The following ATL2 variants were observed in gnomAD, a reference collection of about 807,000 sequenced individuals.
ATL2 encodes atlastin GTPase 2.
ATL2 carries 31 observed loss-of-function variants against 73.9 expected under a neutral mutation model. That is an observed-to-expected ratio of 0.42 (90% CI 0.32 to 0.57). The LOEUF (loss-of-function observed/expected upper bound fraction) is 0.57, where lower values mean the gene tolerates loss of function less well. Among genes scored for constraint, ATL2 ranks in the 20% least tolerant of loss-of-function variants. The pLI is 0.14. For synonymous variants in ATL2, 291 were observed against 237.5 expected (o/e 1.23, Z -2.07); for missense variants, 738 against 702.6 (o/e 1.05, Z -0.57).
chr2:38,333,168 A>T (rs915548576), intron 2 of ATL2, among the ~76,000 whole-genome samples: 3 of 152,174 alleles, frequency 2.0e-5, no homozygotes, highest in Non-Finnish European at 4.4e-5. Context: ...TTCGAGACCA[A>T]GCTGGGCTAA....
At chr2:38,332,219 T>G (rs983682493) in intron 2 of ATL2, among the ~76,000 whole-genome samples, 4 of 152,188 alleles carry the variant, frequency 2.6e-5, no homozygotes, top group African/African-American at 9.7e-5. Context: ...GAAACTTTGT[T>G]TCTTTTTGAG....
chr2:38,312,852 A>G (rs1667833620), intron 7 of ATL2, among the ~76,000 whole-genome samples: 1 of 152,178 alleles, frequency 6.6e-6, no homozygotes, highest in Non-Finnish European at 1.5e-5. Context: ...TAAATTACCC[A>G]GTCTCAAGTA....
chr2:38,365,000 C>T (rs530109408), intron 1 of ATL2, among the ~76,000 whole-genome samples: 11 of 151,310 alleles, frequency 7.3e-5, no homozygotes, highest in South Asian at 2.1e-4. Flanking sequence ...GCTGAGATCA[C>T]GCCACTGCAC....
At chr2:38,334,242 C>A (rs1376360702) in intron 2 of ATL2, among the ~76,000 whole-genome samples, 1 of 151,672 alleles carries the variant, frequency 6.6e-6, no homozygotes, top group Admixed American at 6.6e-5. Context: ...GTTGGCCAGG[C>A]CGGTCTTGAA....
At chr2:38,297,724 T>C (rs764842665) in intron 12 of ATL2, among the ~76,000 whole-genome samples, 1 of 152,156 alleles carries the variant, frequency 6.6e-6, no homozygotes, top group Non-Finnish European at 1.5e-5. Context: ...CTGTCTACCA[T>C]CCAGCATTTC....
intron 1 of ATL2, among the ~76,000 whole-genome samples, chr2:38,355,257 G>C (rs1460513092): frequency 2.0e-5 from 3 of 152,072 alleles, no homozygotes; most frequent in African/African-American, 7.2e-5. Flanking sequence ...CTCCCGAGTA[G>C]CTGAGATTAC....
At chr2:38,296,995 A>G (rs1666930996) in intron 12 of ATL2, among the ~76,000 whole-genome samples, 1 of 152,236 alleles carries the variant, frequency 6.6e-6, no homozygotes, top group Non-Finnish European at 1.5e-5. Context: ...TGAAGTTGCG[A>G]TAGCTTTGCA....
chr2:38,351,725 T>C (rs2124437656), intron 1 of ATL2, among the ~76,000 whole-genome samples: 1 of 152,112 alleles, frequency 6.6e-6, no homozygotes, highest in East Asian at 1.9e-4. Flanking sequence ...ACTGCTGACC[T>C]CAGGCGATCC....
chr2:38,300,256 C>T lies in ATL2; in HGVS notation c.1128+16G>A, dbSNP rs754206122. The T allele has an allele frequency of 3.3e-6, 3 of 901,176 alleles. No individual in the cohort carries two copies. The highest frequency in any genetic ancestry group is 4.5e-6 in the Non-Finnish European group (3 of 663,908). The allele number at this position is 901,176 out of a possible 1,614,324, so 55.8% of individuals were successfully genotyped here. ...ATAAGTATATGTACAACACATATCA[C>T]TCTCTCTCTCTCTACCTGAAGCATG... On this transcript the variant is annotated intron_variant, in intron 10 of 12. Coordinates refer to ENST00000378954, the MANE Select transcript of ATL2 (RefSeq NM_001135673.4).
rs1480728618 is a variant in ATL2, at chr2:38,318,644, G to C, written c.499-5C>G. 2 of 1,576,618 alleles carry C rather than the reference G, an allele frequency of 1.3e-6. No individual in the cohort carries two copies. Among genetic ancestry groups the C allele is most frequent in the South Asian group, 1.2e-5 (1 of 85,234 alleles). On this transcript the variant is annotated splice_region_variant and splice_polypyrimidine_tract_variant and intron_variant, in intron 3 of 12. Coordinates refer to ENST00000378954, the MANE Select transcript of ATL2 (RefSeq NM_001135673.4). ...ATCCATAAGCAGCACAGCAACCTAG[G>C]AATTTGAGAGTTTAAAATATTTAGT...
At chr2:38,337,168 A>AAAAAAC (rs902638672) in intron 2 of ATL2, among the ~76,000 whole-genome samples, 109 of 152,070 alleles carry the variant, frequency 7.2e-4, no homozygotes, top group African/African-American at 2.5e-3. Flanking sequence ...GGACTATTAA[A>AAAAAAC]AAAAACAAAA....
At chr2:38,368,074 A>G (rs923366766) in intron 1 of ATL2, among the ~76,000 whole-genome samples, 8 of 151,546 alleles carry the variant, frequency 5.3e-5, no homozygotes, top group Admixed American at 4.6e-4. Context: ...AGCTGGGACT[A>G]CAGGCGCCTG....
chr2:38,361,522 A>C (rs895219079), intron 1 of ATL2, among the ~76,000 whole-genome samples: 1 of 152,224 alleles, frequency 6.6e-6, no homozygotes, highest in Non-Finnish European at 1.5e-5. Flanking sequence ...GGACAGGTGC[A>C]TATCTACGAA....
chr2:38,337,851 A>T (rs961840376), intron 2 of ATL2, among the ~76,000 whole-genome samples: 35 of 152,196 alleles, frequency 2.3e-4, no homozygotes, highest in African/African-American at 6.5e-4. Flanking sequence ...AATGGTATAA[A>T]AGTAGAAGCA....
At position 38,377,263 on chromosome 2, in the gene ATL2, T is replaced by C. The variant is rs1245262607; in HGVS notation, c.-3A>G. 1.3e-6 allele frequency: 2 copies of C among 1,568,564 alleles called. No individual in the cohort carries two copies. Among genetic ancestry groups the C allele is most frequent in the Non-Finnish European group, 1.7e-6 (2 of 1,157,092 alleles). The stretch of plus-strand genomic sequence containing the variant: ...GCTGCCTCGTCCCCCTCCGCCATCT[T>C]GTACCGATTTAAAATTAACTCCCCA... On this transcript the variant is annotated 5_prime_UTR_variant, in exon 1 of 13. Coordinates refer to ENST00000378954, the MANE Select transcript of ATL2 (RefSeq NM_001135673.4).
At chr2:38,363,884 T>G (rs538704598) in intron 1 of ATL2, among the ~76,000 whole-genome samples, 1 of 152,332 alleles carries the variant, frequency 6.6e-6, no homozygotes, top group Admixed American at 6.5e-5. Context: ...CCTTTTTGGA[T>G]TATCTAAACT....
At chr2:38,371,998 T>C (rs960997866) in intron 1 of ATL2, among the ~76,000 whole-genome samples, 1 of 152,134 alleles carries the variant, frequency 6.6e-6, no homozygotes, top group African/African-American at 2.4e-5. Context: ...TTTGCAGAAC[T>C]CAAGTTAAAA....
chr2:38,365,164 CAA>C (rs58372959), intron 1 of ATL2, among the ~76,000 whole-genome samples: 33 of 133,934 alleles, frequency 2.5e-4, no homozygotes, highest in African/African-American at 1.0e-3. Context: ...CACACACACA[CAA>C]ATACACACAC....
At chr2:38,306,323 C>G (rs1667444633) in intron 9 of ATL2, among the ~76,000 whole-genome samples, 1 of 152,146 alleles carries the variant, frequency 6.6e-6, no homozygotes, top group Non-Finnish European at 1.5e-5. Context: ...ATTTAAAGAA[C>G]TAATACCAAT....
Sources: gnomAD v4.1 joint callset for allele counts (sites outside exome capture counted in the v4.1 genomes callset) on GRCh38, gnomAD v4.1.1 for gene constraint, MANE v1.5 for transcripts, NCBI Gene and HGNC (gene_info 2026-07-23, HGNC 2026-07-21) for gene names.